The following USP34 variants were observed in gnomAD, a reference collection of about 807,000 sequenced individuals.
USP34 encodes the protein ubiquitin specific peptidase 34.
A neutral mutation model predicts 460.3 loss-of-function variants in USP34; 70 were observed. The observed-to-expected ratio is 0.15, with a 90% CI of 0.13 to 0.19. The LOEUF is 0.19. Among genes scored for constraint, USP34 ranks in the 10% least tolerant of loss-of-function variants. The probability of loss-of-function intolerance (pLI) is 1.00; values close to 1 mark genes in which losing one functional copy is unlikely to be tolerated. For synonymous variants in USP34, 1,647 were observed against 1,405.3 expected, an observed-to-expected ratio of 1.17 and a Z score of -3.85; for missense variants, 3,985 against 4,236.2, an observed-to-expected ratio of 0.94 and a Z score of 1.65.
At chr2:61,233,357 G>C (rs966465048) in intron 57 of USP34, among the ~76,000 whole-genome samples, 1 of 151,634 alleles carries the variant, frequency 6.6e-6, no homozygotes, top group African/African-American at 2.4e-5. Context: ...CAGCACAAAT[G>C]ACAAAAAATG....
chr2:61,201,952 A>G (rs1686989318), intron 75 of USP34, among the ~76,000 whole-genome samples: 1 of 152,188 alleles, frequency 6.6e-6, no homozygotes, highest in African/African-American at 2.4e-5. Flanking sequence ...ACCAAGTACC[A>G]TGACCCAGGT....
In USP34 at chr2:61,325,773, T is replaced by G. The variant is rs189470068; in HGVS notation, c.2931-316A>C. Among the ~76,000 whole-genome samples the G allele has an allele frequency of 1.4e-4, 21 of 152,236 alleles. No homozygotes were observed. The East Asian group carries it at 3.9e-3, about 28-fold the overall frequency. On this transcript the variant is annotated intron_variant, in intron 20 of 79. Transcript: ENST00000398571. ...TATGTAACACACACATAAGTTAGAA[T>G]AGGCAACAAGTAAAAAACACCATCT... is the stretch of plus-strand genomic sequence containing the variant.
chr2:61,305,318 A>AG (rs1290232083), intron 27 of USP34, among the ~76,000 whole-genome samples: 3 of 151,994 alleles, frequency 2.0e-5, no homozygotes, highest in Non-Finnish European at 4.4e-5. Context: ...GCGAGACTCA[A>AG]GAAAAAAAAA....
At chr2:61,318,004 G>A (rs1050772650) in intron 22 of USP34, among the ~76,000 whole-genome samples, 1 of 151,810 alleles carries the variant, frequency 6.6e-6, no homozygotes, top group South Asian at 2.1e-4. Context: ...ACCAGCCTGG[G>A]CAACATGGCG....
chr2:61,364,237 C>G (rs779038798), intron 10 of USP34, among the ~76,000 whole-genome samples: 4 of 152,134 alleles, frequency 2.6e-5, no homozygotes, highest in Non-Finnish European at 4.4e-5. Context: ...GGTAGGCATG[C>G]TTTAGTCCCA....
intron 15 of USP34, among the ~76,000 whole-genome samples, chr2:61,344,471 T>TCA (rs1691702032): frequency 3.3e-5 from 5 of 152,098 alleles, no homozygotes; most frequent in African/African-American, 1.2e-4. Context: ...CAAACCCAAA[T>TCA]TAAGTATTCA....
chr2:61,371,444 T>TAAA (rs34779019), intron 8 of USP34, among the ~76,000 whole-genome samples: 2 of 142,646 alleles, frequency 1.4e-5, no homozygotes, highest in Admixed American at 7.0e-5. Context: ...ATTAAAAAGT[T>TAAA]AAAAAAAAAA....
chr2:61,287,706 A>T (rs1226762788), intron 34 of USP34, among the ~76,000 whole-genome samples: 2 of 152,254 alleles, frequency 1.3e-5, no homozygotes, highest in East Asian at 3.8e-4. Flanking sequence ...AATACAGTAT[A>T]TAATAGTATT....
intron 41 of USP34, among the ~76,000 whole-genome samples, chr2:61,275,070 A>C (rs747342807): frequency 6.6e-6 from 1 of 152,160 alleles, no homozygotes; most frequent in African/African-American, 2.4e-5. Flanking sequence ...TGAGCCCAGG[A>C]GTTTGAGACC....
intron 1 of USP34, among the ~76,000 whole-genome samples, chr2:61,453,945 G>A (rs540815161): frequency 5.3e-5 from 8 of 151,738 alleles, no homozygotes; most frequent in South Asian, 2.1e-4. Context: ...CATCATGTTC[G>A]CTCATGTTTT....
rs961310267 is a variant in USP34 at position 61,204,166 on chromosome 2, T to A, written c.9384+90A>T. The A allele has an allele frequency of 2.6e-6, 4 of 1,545,614 alleles. No individual in the cohort carries two copies. In the African/African-American group the frequency reaches 5.5e-5, roughly 21 times the overall value. ...TCTTAGGATCCACAAAATTGGTCAC[T>A]TAAGTCTAACCTATTCATAACTGCC... is the stretch of plus-strand genomic sequence containing the variant. On this transcript the variant is annotated intron_variant, in intron 74 of 79. Transcript: ENST00000398571.
At chr2:61,314,475 G>C in intron 25 of USP34, 110 bp downstream of exon 25, 1 of 960,532 alleles carries the variant, frequency 1.0e-6, no homozygotes, top group Non-Finnish European at 1.4e-6. Flanking sequence ...GGTAAATTAT[G>C]CTTTCTACTT....
rs549574853 is a variant in USP34, at chr2:61,298,376, A to AC, written c.4129-1452_4129-1451insG. ...CTCTACAAAAATACAAAAAAAAAAA[A>AC]AAAAAAAAAAAACTAGCTGGGCGTG... is the stretch of plus-strand genomic sequence containing the variant. On this transcript the variant is annotated intron_variant, in intron 29 of 79. Coordinates refer to ENST00000398571, the MANE Select transcript of USP34 (RefSeq NM_014709.4). 8.1e-4 allele frequency among the ~76,000 whole-genome samples: 116 copies of AC among 143,388 alleles called. 2 individuals carry two copies. In the South Asian group the frequency reaches 0.017, roughly 21 times the overall value. The allele number at this position is 143,388 out of a possible 152,430, so 94.1% of individuals were successfully genotyped here. A position where few individuals can be genotyped will look rare whatever the true frequency, so the allele number is the denominator to read the frequency against.
intron 57 of USP34, among the ~76,000 whole-genome samples, chr2:61,235,366 G>A (rs183429995): frequency 6.5e-5 from 9 of 139,160 alleles, no homozygotes; most frequent in East Asian, 2.1e-4. Flanking sequence ...TCACTGTGTC[G>A]TCAGGCTGGA....
At chr2:61,256,831 G>C in intron 47 of USP34, 42 bp downstream of exon 47, 1 of 1,451,116 alleles carries the variant, frequency 6.9e-7, no homozygotes, top group Non-Finnish European at 9.3e-7. Flanking sequence ...ACACAAATAG[G>C]TAAAAGCATA....
chr2:61,456,243 A>G (rs1004856368), intron 1 of USP34, among the ~76,000 whole-genome samples: 7 of 152,214 alleles, frequency 4.6e-5, no homozygotes, highest in African/African-American at 1.4e-4. Flanking sequence ...ACAACGTGCC[A>G]GATTTCTTTT....
chr2:61,347,880 G>C lies in USP34; in HGVS notation c.2275C>G (p.His759Asp), dbSNP rs1480154296. The change falls in exon 15 of 80, where the codon CAC (histidine) becomes GAC (aspartate). Residue 759 changes from histidine (H) to aspartate (D), a missense_variant. Transcript: ENST00000398571. ...HHHHHHHHHH[H>D]HDGHMVDDML... The stretch of plus-strand genomic sequence containing the variant: ...TTGAAGTAGGCTTACCCATCGTGGT[G>C]GTGGTGATGGTGGTGGTGGTGGTGG... 10 of 1,612,748 alleles carry C rather than the reference G, an allele frequency of 6.2e-6. No homozygotes were observed. In the East Asian group the frequency reaches 2.0e-4, roughly 32 times the overall value.
At position 61,259,395 on chromosome 2, in the gene USP34, C is replaced by CT. The variant is rs892907054; in HGVS notation, c.5844+315dup. Reference sequence around the variant, plus strand: ...ACCTAATTTGTTTCCCTCCATGTTTCTTTTTTTTTTGAGACAGAGTCTCAC... The same window carrying CT: ...ACCTAATTTGTTTCCCTCCATGTTTCTTTTTTTTTTTGAGACAGAGTCTCAC... On this transcript the variant is annotated intron_variant, in intron 44 of 79. Coordinates refer to ENST00000398571, the MANE Select transcript of USP34 (RefSeq NM_014709.4). Among the ~76,000 whole-genome samples, 324 of 148,860 alleles carry CT rather than the reference C, an allele frequency of 2.2e-3. 1 individual carries two copies. Among genetic ancestry groups the CT allele is most frequent in the South Asian group, 3.6e-3 (17 of 4,686 alleles).
chr2:61,458,716 T>G (rs1404655520), intron 1 of USP34, among the ~76,000 whole-genome samples: 1 of 147,906 alleles, frequency 6.8e-6, no homozygotes, highest in Non-Finnish European at 1.5e-5. Context: ...AGGCCATATT[T>G]CACTCCTCTC....
Sources: allele counts gnomAD v4.1 joint callset (sites outside exome capture counted in the v4.1 genomes callset), GRCh38; gene constraint gnomAD v4.1.1; transcripts MANE v1.5; gene names NCBI Gene and HGNC (gene_info 2026-07-23, HGNC 2026-07-21).